The following CDH4 variants were observed in gnomAD, a reference collection of about 807,000 sequenced individuals.
The protein encoded by CDH4 is cadherin-4.
A neutral mutation model predicts 86.0 loss-of-function variants in CDH4; 33 were observed. The ratio of observed to expected loss-of-function variants is 0.38; its 90% CI spans 0.29 to 0.51. CDH4 has a LOEUF of 0.51. CDH4 is among the 20% of genes least tolerant of loss of function. The probability of loss-of-function intolerance (pLI) is 0.86; values close to 1 mark genes in which losing one functional copy is unlikely to be tolerated. For missense variants in CDH4, 1,114 were observed against 1,307.4 expected (o/e 0.85, Z 2.28); for synonymous variants, 555 against 549.4 (o/e 1.01, Z -0.14).
chr20:61,771,540 C>T (rs1355760694), intron 3 of CDH4, among the ~76,000 whole-genome samples: 1 of 148,266 alleles, frequency 6.7e-6, no homozygotes, highest in Non-Finnish European at 1.5e-5. Flanking sequence ...AGGAGAGTCA[C>T]TTAAACCCAG....
intron 2 of CDH4, among the ~76,000 whole-genome samples, chr20:61,741,951 G>A (rs2088344561): frequency 6.6e-6 from 1 of 152,150 alleles, no homozygotes; most frequent in Non-Finnish European, 1.5e-5. Context: ...AGGGAACAAA[G>A]GGGCTTGTTT....
chr20:61,828,898 T>TC (rs1981452280), intron 4 of CDH4, among the ~76,000 whole-genome samples: 1 of 152,240 alleles, frequency 6.6e-6, no homozygotes, highest in Admixed American at 6.5e-5. Context: ...GGAGGATGCT[T>TC]CCGGGATGAA....
rs138122998 is a variant in CDH4 at position 61,330,218 on chromosome 20, G to T, written c.169+75281G>T. ...GTATATACCATTTAATGGGATTGCT[G>T]GGTCAAATGGTTCTAGATCTTTCTG... On this transcript the variant is annotated intron_variant, in intron 2 of 15. Transcript: ENST00000614565. Among the ~76,000 whole-genome samples the T allele has an allele frequency of 1.6e-3, 242 of 152,128 alleles. 2 individuals are homozygous for T. Among genetic ancestry groups the T allele is most frequent in the African/African-American group, 5.5e-3 (229 of 41,502 alleles).
At chr20:61,323,609 G>A (rs1232702770) in intron 2 of CDH4, among the ~76,000 whole-genome samples, 1 of 152,146 alleles carries the variant, frequency 6.6e-6, no homozygotes, top group Non-Finnish European at 1.5e-5. Context: ...CTCCCTGACG[G>A]TGATAATTTA....
intron 2 of CDH4, among the ~76,000 whole-genome samples, chr20:61,301,374 T>G (rs1052170940): frequency 5.3e-5 from 8 of 152,228 alleles, no homozygotes; most frequent in Non-Finnish European, 1.0e-4. Context: ...CAGCCATGTT[T>G]GAAAACACAT....
intron 2 of CDH4, among the ~76,000 whole-genome samples, chr20:61,438,552 A>G (rs1313654034): frequency 6.6e-6 from 1 of 152,236 alleles, no homozygotes; most frequent in East Asian, 1.9e-4. Context: ...GCATGTGGGT[A>G]TAATTGGTTG....
rs1979565084 is a variant in CDH4, at chr20:61,797,040, A to G, written c.576+23858A>G. ...CAGCCACTTTCCTGGGTGGCCGGGT[A>G]AGAGGGGGTGAGAGCTGCTCTCTGA... is the stretch of plus-strand genomic sequence containing the variant. On this transcript the variant is annotated intron_variant, in intron 4 of 15. Transcript: ENST00000614565. Among the ~76,000 whole-genome samples the G allele has an allele frequency of 2.6e-5, 4 of 151,314 alleles. 1 individual carries two copies. Among genetic ancestry groups the G allele is most frequent in the South Asian group, 4.2e-4 (2 of 4,778 alleles).
intron 4 of CDH4, among the ~76,000 whole-genome samples, chr20:61,789,848 G>A (rs182412046): frequency 7.9e-4 from 121 of 152,310 alleles, no homozygotes; most frequent in Middle Eastern, 3.4e-3. Context: ...TGAAGACTTT[G>A]TCTCTATAAA....
At chr20:61,300,811 C>T (rs2084382182) in intron 2 of CDH4, among the ~76,000 whole-genome samples, 1 of 152,194 alleles carries the variant, frequency 6.6e-6, no homozygotes, top group African/African-American at 2.4e-5. Flanking sequence ...AAAACATTGG[C>T]TTCCTGGCAG....
At chr20:61,468,026 T>G (rs1348238539) in intron 2 of CDH4, among the ~76,000 whole-genome samples, 1 of 152,198 alleles carries the variant, frequency 6.6e-6, no homozygotes, top group Non-Finnish European at 1.5e-5. Context: ...AGTGTTATTC[T>G]CCCAGCACAG....
chr20:61,438,571 C>T (rs2085297946), intron 2 of CDH4, among the ~76,000 whole-genome samples: 1 of 152,152 alleles, frequency 6.6e-6, no homozygotes, highest in Non-Finnish European at 1.5e-5. Context: ...TGGCCATAGT[C>T]CTTAACTGTA....
chr20:61,934,017 C>T (rs2055146819), intron 14 of CDH4, 39 bp from the exon 15 acceptor site: 1 of 1,605,348 alleles, frequency 6.2e-7, no homozygotes, highest in Non-Finnish European at 8.5e-7. Flanking sequence ...CTGGCGGATT[C>T]TTCTGATGCC....
intron 2 of CDH4, among the ~76,000 whole-genome samples, chr20:61,687,962 A>G (rs67731160): frequency 0.11 from 17,144 of 152,124 alleles, 1,396 homozygotes; most frequent in East Asian, 0.36. Flanking sequence ...ACAAGCATTA[A>G]CCTTGTACTA....
At chr20:61,683,958 G>C (rs569681651) in intron 2 of CDH4, among the ~76,000 whole-genome samples, 1 of 152,314 alleles carries the variant, frequency 6.6e-6, no homozygotes, top group South Asian at 2.1e-4. Flanking sequence ...GGGTGAGACT[G>C]TAGCCCCATC....
chr20:61,515,100 A>G (rs1380124077), intron 2 of CDH4, among the ~76,000 whole-genome samples: 1 of 152,252 alleles, frequency 6.6e-6, no homozygotes, highest in Non-Finnish European at 1.5e-5. Context: ...CAGAGAGAAG[A>G]AAACTGGAAT....
At chr20:61,375,466 ATGG>A (rs2084861870) in intron 2 of CDH4, among the ~76,000 whole-genome samples, 1 of 147,170 alleles carries the variant, frequency 6.8e-6, no homozygotes, top group Admixed American at 6.8e-5. Context: ...ACTGGTAGTG[ATGG>A]TGTGGTTTAT....
intron 2 of CDH4, among the ~76,000 whole-genome samples, chr20:61,585,254 C>G (rs573503997): frequency 6.6e-6 from 1 of 152,192 alleles, no homozygotes; most frequent in Non-Finnish European, 1.5e-5. Context: ...TCACTCCAGC[C>G]GAGGGGCTAT....
chr20:61,404,166 G>C (rs926901922), intron 2 of CDH4, among the ~76,000 whole-genome samples: 3 of 151,988 alleles, frequency 2.0e-5, no homozygotes, highest in African/African-American at 7.3e-5. Context: ...GGGTACAGGG[G>C]TCCTGGGCCA....
intron 2 of CDH4, among the ~76,000 whole-genome samples, chr20:61,658,349 C>T (rs368442004): frequency 9.2e-5 from 14 of 152,218 alleles, no homozygotes; most frequent in African/African-American, 2.6e-4. Flanking sequence ...TTGTCCCCTC[C>T]GAGTTCCAGA....
Sources: allele counts gnomAD v4.1 joint callset (sites outside exome capture counted in the v4.1 genomes callset), GRCh38; gene constraint gnomAD v4.1.1; transcripts MANE v1.5; gene names NCBI Gene and HGNC (gene_info 2026-07-23, HGNC 2026-07-21).